LUZP1: variants seen among roughly 807,000 people sequenced by gnomAD.
The protein encoded by LUZP1 is leucine zipper protein 1.
Under a neutral mutation model 71.3 loss-of-function variants are expected in LUZP1, and 25 were observed. That is an observed-to-expected ratio of 0.35 (90% CI 0.26 to 0.49). The LOEUF is 0.49. Ranked by LOEUF, LUZP1 falls within the 20% of genes least tolerant of loss-of-function variation. The probability of loss-of-function intolerance (pLI) is 0.99; values close to 1 mark genes in which losing one functional copy is unlikely to be tolerated. For missense variants in LUZP1, 1,142 were observed against 1,300.8 expected (o/e 0.88, Z 1.88); for synonymous variants, 481 against 506.4 (o/e 0.95, Z 0.67).
exon 4 of LUZP1, chr1:23,091,720 T>C (rs746281981): frequency 6.2e-7 from 1 of 1,614,108 alleles, no homozygotes; most frequent in Non-Finnish European, 8.5e-7. Context: ...ATGTCATGTT[T>C]GTGAATGGAG....
intron 2 of LUZP1, among the ~76,000 whole-genome samples, chr1:23,149,634 G>A (rs1005435758): frequency 7.9e-5 from 12 of 152,126 alleles, no homozygotes; most frequent in African/African-American, 2.9e-4. Context: ...AAAAGTGAGT[G>A]AGTGTAAAAG....
At chr1:23,134,087 T>G (rs1294693470) in intron 2 of LUZP1, among the ~76,000 whole-genome samples, 3 of 152,208 alleles carry the variant, frequency 2.0e-5, no homozygotes, top group South Asian at 2.1e-4. Flanking sequence ...ATGAATAATT[T>G]ATGGCTGTTT....
chr1:23,171,870 G>C (rs1644554759), intron 1 of LUZP1, among the ~76,000 whole-genome samples: 1 of 152,288 alleles, frequency 6.6e-6, no homozygotes, highest in African/African-American at 2.4e-5. Context: ...GGGAGGTTCT[G>C]AAGAAAGAAC....
intron 2 of LUZP1, among the ~76,000 whole-genome samples, chr1:23,139,777 G>A (rs12044911): frequency 0.17 from 25,508 of 151,812 alleles, 2,224 homozygotes; most frequent in East Asian, 0.31. Context: ...GCAAGACCTC[G>A]TCTCTACAGT....
chr1:23,124,185 A>AC (rs1241390509), intron 2 of LUZP1, among the ~76,000 whole-genome samples: 1 of 152,238 alleles, frequency 6.6e-6, no homozygotes, highest in Non-Finnish European at 1.5e-5. Context: ...CAGCATTAGA[A>AC]CCTTCCAAGA....
At chr1:23,091,224 A>G in exon 4 of LUZP1, 1 of 1,612,730 alleles carries the variant, frequency 6.2e-7, no homozygotes, top group Non-Finnish European at 8.5e-7. Flanking sequence ...TGCGACAGTG[A>G]TGGTGTCTCC....
chr1:23,109,029 G>A (rs1557645975), exon 3 of LUZP1: 1 of 152,186 alleles, frequency 6.6e-6, no homozygotes. Flanking sequence ...TACCATGTAG[G>A]TAATTCAAGC....
intron 2 of LUZP1, among the ~76,000 whole-genome samples, chr1:23,110,360 G>A (rs1644018078): frequency 6.6e-6 from 1 of 152,162 alleles, no homozygotes; most frequent in Non-Finnish European, 1.5e-5. Context: ...TACTACAGAT[G>A]GAAGATCTGG....
intron 2 of LUZP1, among the ~76,000 whole-genome samples, chr1:23,116,986 G>T (rs1644084553): frequency 6.6e-6 from 1 of 152,166 alleles, no homozygotes; most frequent in Non-Finnish European, 1.5e-5. Context: ...ATCAGAAGAA[G>T]AATACTAAGC....
intron 2 of LUZP1, among the ~76,000 whole-genome samples, chr1:23,165,342 AT>A (rs1644501387): frequency 6.6e-6 from 1 of 151,856 alleles, no homozygotes; most frequent in Non-Finnish European, 1.5e-5. Context: ...TTGTATGTAA[AT>A]TATACCTCAA....
chr1:23,098,759 AGG>A (rs1643909910), intron 3 of LUZP1, among the ~76,000 whole-genome samples: 2 of 152,234 alleles, frequency 1.3e-5, no homozygotes. Flanking sequence ...ACCACTGGAG[AGG>A]GAAGAAATGA....
exon 5 of LUZP1, chr1:23,087,645 G>C (rs1292963850): frequency 6.6e-6 from 1 of 152,614 alleles, no homozygotes; most frequent in Non-Finnish European, 1.5e-5. Context: ...GAATGCTAAA[G>C]AAAAAGCACT....
intron 3 of LUZP1, among the ~76,000 whole-genome samples, chr1:23,107,753 G>C (rs972222053): frequency 3.9e-5 from 6 of 152,190 alleles, no homozygotes; most frequent in Admixed American, 1.3e-4. Context: ...CAGAGGCAGT[G>C]AGCCAAGATC....
chr1:23,171,601 C>T (rs966969026), intron 1 of LUZP1, among the ~76,000 whole-genome samples: 9 of 152,212 alleles, frequency 5.9e-5, no homozygotes, highest in African/African-American at 1.9e-4. Context: ...AGGGGAGGAA[C>T]TTTGGGGTTC....
intron 2 of LUZP1, among the ~76,000 whole-genome samples, chr1:23,160,586 T>C (rs922969367): frequency 6.6e-6 from 1 of 152,184 alleles, no homozygotes; most frequent in Admixed American, 6.5e-5. Flanking sequence ...GAGAAAATAC[T>C]AAGCAGGATT....
At chr1:23,141,496 G>A (rs1644302896) in intron 2 of LUZP1, among the ~76,000 whole-genome samples, 1 of 152,118 alleles carries the variant, frequency 6.6e-6, no homozygotes, top group Admixed American at 6.5e-5. Flanking sequence ...AGTCTCTGGT[G>A]TCCCTGGAGG....
At position 23,154,898 on chromosome 1, in the gene LUZP1, T is replaced by C. The variant is rs139310085; in HGVS notation, c.-226+13868A>G. Among the ~76,000 whole-genome samples the C allele has an allele frequency of 4.5e-3, 679 of 152,122 alleles. 7 individuals carry two copies. The highest frequency in any genetic ancestry group is 0.015 in the African/African-American group (612 of 41,500). ...TTCCGTATTAATTCTCCCTGCTCCA[T>C]TAACTGTCCTCCCATCTATTTTTCC... On this transcript the variant is annotated intron_variant, in intron 2 of 4. Coordinates refer to ENST00000302291, the Ensembl canonical transcript of LUZP1.
intron 2 of LUZP1, among the ~76,000 whole-genome samples, chr1:23,131,858 G>C (rs548461964): frequency 6.6e-6 from 1 of 152,180 alleles, no homozygotes; most frequent in Non-Finnish European, 1.5e-5. Flanking sequence ...GCTAATTTTT[G>C]TATTTTTAGT....
intron 2 of LUZP1, among the ~76,000 whole-genome samples, chr1:23,156,110 G>A (rs1644419057): frequency 6.6e-6 from 1 of 152,194 alleles, no homozygotes; most frequent in Non-Finnish European, 1.5e-5. Flanking sequence ...GCCAGGCACG[G>A]TAGCTCACAC....
Sources: gnomAD v4.1 joint callset for allele counts (sites outside exome capture counted in the v4.1 genomes callset) on GRCh38, gnomAD v4.1.1 for gene constraint, MANE v1.5 for transcripts, NCBI Gene and HGNC (gene_info 2026-07-23, HGNC 2026-07-21) for gene names.